GRID2: variants seen among roughly 807,000 people sequenced by gnomAD.
The protein encoded by GRID2 is glutamate ionotropic receptor delta type subunit 2.
Under a neutral mutation model 114.8 loss-of-function variants are expected in GRID2, and 33 were observed. The ratio of observed to expected loss-of-function variants is 0.29; its 90% confidence interval spans 0.22 to 0.38. The LOEUF (loss-of-function observed/expected upper bound fraction) is 0.38, where lower values mean the gene tolerates loss of function less well. GRID2 is among the 10% of genes least tolerant of loss of function. The pLI is 1.00. For synonymous variants in GRID2, 505 were observed against 449.9 expected (o/e 1.12, Z -1.55); for missense variants, 1,184 against 1,257.7 (o/e 0.94, Z 0.89).
At position 93,426,381 on chromosome 4, in the gene GRID2, C is replaced by T. The variant is rs374716342; in HGVS notation, c.1545+3413C>T. Among the ~76,000 whole-genome samples, 9 of 151,990 alleles carry T rather than the reference C, an allele frequency of 5.9e-5. No homozygotes were observed. The South Asian group carries it at 6.2e-4, about 11-fold the overall frequency. On this transcript the variant is annotated intron_variant, in intron 10 of 15. Transcript: ENST00000282020. The stretch of plus-strand genomic sequence containing the variant: ...TGATCTGAACCCAGATTAGCAATTA[C>T]GTTAAAATTAGTGTAAAGAAAAGGC...
intron 8 of GRID2, among the ~76,000 whole-genome samples, chr4:93,352,385 T>G (rs554385510): frequency 6.6e-6 from 1 of 152,030 alleles, no homozygotes; most frequent in Non-Finnish European, 1.5e-5. Flanking sequence ...TGCCCTGCAA[T>G]CAGAGCCAGC....
In GRID2 at chr4:92,965,450, T is replaced by TAAAAAAAAAAA. The variant is rs869285420; in HGVS notation, c.245-119516_245-119506dup. Among the ~76,000 whole-genome samples the TAAAAAAAAAAA allele has an allele frequency of 1.7e-3, 146 of 85,704 alleles. 3 individuals are homozygous for TAAAAAAAAAAA. Among genetic ancestry groups the TAAAAAAAAAAA allele is most frequent in the South Asian group, 4.0e-3 (10 of 2,480 alleles). The allele number at this position is 85,704 out of a possible 152,430, so 56.2% of individuals were successfully genotyped here. A position where few individuals can be genotyped will look rare whatever the true frequency, so the allele number is the denominator to read the frequency against. On this transcript the variant is annotated intron_variant, in intron 2 of 15. Transcript: ENST00000282020. ...AGGGTTGCCATAAACATTCAATTTG[T>TAAAAAAAAAAA]AAAAAAAAAAAAAAAAAAAAAAAAA...
chr4:92,335,862 G>A (rs1022860428), intron 1 of GRID2, among the ~76,000 whole-genome samples: 5 of 152,306 alleles, frequency 3.3e-5, no homozygotes, highest in South Asian at 4.1e-4. Context: ...TGCTTGAGAA[G>A]TCAATAATTG....
At chr4:93,311,092 G>T (rs562626071) in intron 8 of GRID2, among the ~76,000 whole-genome samples, 2 of 152,248 alleles carry the variant, frequency 1.3e-5, no homozygotes, top group African/African-American at 4.8e-5. Flanking sequence ...GTTCAAGATT[G>T]CCAAGGGATG....
At chr4:92,652,682 T>A (rs1732001252) in intron 2 of GRID2, among the ~76,000 whole-genome samples, 1 of 134,406 alleles carries the variant, frequency 7.4e-6, no homozygotes, top group South Asian at 2.7e-4. Flanking sequence ...TAAAAATATG[T>A]AATTTTGGCC....
intron 14 of GRID2, among the ~76,000 whole-genome samples, chr4:93,652,189 A>T (rs529819291): frequency 6.6e-6 from 1 of 152,222 alleles, no homozygotes; most frequent in East Asian, 1.9e-4. Flanking sequence ...TTGTGTCTTT[A>T]TAAGAAGAGG....
intron 13 of GRID2, among the ~76,000 whole-genome samples, chr4:93,614,590 ATGCTATATAAAC>A (rs1399047897): frequency 3.3e-5 from 5 of 152,140 alleles, no homozygotes; most frequent in Non-Finnish European, 5.9e-5. Context: ...TTATTACAAA[ATGCTATATAAAC>A]AACAGGACGA....
intron 13 of GRID2, among the ~76,000 whole-genome samples, chr4:93,567,851 G>A (rs899639601): frequency 1.5e-4 from 23 of 152,286 alleles, no homozygotes; most frequent in African/African-American, 5.5e-4. Flanking sequence ...CAGTGAAAAT[G>A]CATTTGGATT....
intron 2 of GRID2, among the ~76,000 whole-genome samples, chr4:92,724,335 G>T (rs1438392326): frequency 6.6e-6 from 1 of 152,074 alleles, no homozygotes; most frequent in Non-Finnish European, 1.5e-5. Flanking sequence ...CACCACCATA[G>T]TTAGAAGCAT....
intron 13 of GRID2, among the ~76,000 whole-genome samples, chr4:93,586,191 G>C (rs779118091): frequency 6.6e-6 from 1 of 152,090 alleles, no homozygotes; most frequent in Non-Finnish European, 1.5e-5. Context: ...CCAAAACCTG[G>C]CATTTCTGCA....
At chr4:92,739,328 T>G (rs1194505671) in intron 2 of GRID2, among the ~76,000 whole-genome samples, 1 of 152,216 alleles carries the variant, frequency 6.6e-6, no homozygotes, top group Non-Finnish European at 1.5e-5. Context: ...TTAAAAAGTT[T>G]TCCATGTTTA....
At chr4:93,074,058 A>T (rs961209382) in intron 2 of GRID2, among the ~76,000 whole-genome samples, 1 of 152,236 alleles carries the variant, frequency 6.6e-6, no homozygotes, top group Non-Finnish European at 1.5e-5. Flanking sequence ...GGAGAAAAAG[A>T]AACACTGAGG....
At chr4:93,673,047 C>A (rs1226456868) in intron 14 of GRID2, among the ~76,000 whole-genome samples, 1 of 152,076 alleles carries the variant, frequency 6.6e-6, no homozygotes, top group Non-Finnish European at 1.5e-5. Context: ...TTACTTTCAG[C>A]CCTGATGAGA....
At chr4:93,529,794 G>GT (rs1731266574) in intron 13 of GRID2, among the ~76,000 whole-genome samples, 1 of 152,082 alleles carries the variant, frequency 6.6e-6, no homozygotes, top group Non-Finnish European at 1.5e-5. Flanking sequence ...AGTGGCAAAT[G>GT]TTGCTTCCCG....
intron 2 of GRID2, among the ~76,000 whole-genome samples, chr4:92,977,615 A>G (rs1459565480): frequency 2.0e-5 from 3 of 152,154 alleles, no homozygotes; most frequent in Non-Finnish European, 2.9e-5. Context: ...TCTGACTACA[A>G]TTTGAAGAAT....
chr4:92,745,989 C>T (rs557613251), intron 2 of GRID2, among the ~76,000 whole-genome samples: 8 of 152,230 alleles, frequency 5.3e-5, no homozygotes, highest in East Asian at 3.9e-4. Context: ...CTTCCCAAAG[C>T]GCTGCATTTT....
At chr4:92,850,565 G>T (rs1743699247) in intron 2 of GRID2, among the ~76,000 whole-genome samples, 2 of 151,984 alleles carry the variant, frequency 1.3e-5, no homozygotes, top group Middle Eastern at 3.4e-3. Context: ...AACCCAGATT[G>T]TGTACTATGG....
rs568246597 is a variant in GRID2 at position 93,499,215 on chromosome 4, A to T, written c.1997+8438A>T. On this transcript the variant is annotated intron_variant, in intron 12 of 15. Transcript: ENST00000282020. ...CATTATTGATTCGAGTCAATAAAAT[A>T]TCATGACTGTCCCTGCCTGCTGCTT... is the stretch of plus-strand genomic sequence containing the variant. Among the ~76,000 whole-genome samples the T allele has an allele frequency of 2.0e-5, 3 of 151,976 alleles. No homozygotes were observed. The South Asian group carries it at 6.2e-4, about 32-fold the overall frequency.
intron 9 of GRID2, among the ~76,000 whole-genome samples, chr4:93,398,139 A>ATATG (rs1765532404): frequency 9.5e-6 from 1 of 104,724 alleles, no homozygotes; most frequent in African/African-American, 6.1e-5. Context: ...GTGTGTATAT[A>ATATG]TATATATATA....
Sources: gnomAD v4.1 joint callset for allele counts (sites outside exome capture counted in the v4.1 genomes callset) on GRCh38, gnomAD v4.1.1 for gene constraint, MANE v1.5 for transcripts, NCBI Gene and HGNC (gene_info 2026-07-23, HGNC 2026-07-21) for gene names.